KGD4: variants seen among roughly 807,000 people sequenced by gnomAD.
The protein encoded by KGD4 is alpha-ketoglutarate dehydrogenase subunit 4, also known as alpha-ketoglutarate dehydrogenase component 4.
At chr5:69,222,635 C>T in the KGD4 span, among the ~76,000 whole-genome samples, 1 of 152,064 alleles carries the variant, frequency 6.6e-6, no homozygotes, top group South Asian at 2.1e-4. Context: ...TCTCAAACTC[C>T]TGGGCTCAAG....
the KGD4 span, among the ~76,000 whole-genome samples, chr5:69,218,946 A>G: frequency 2.0e-5 from 3 of 152,246 alleles, no homozygotes; most frequent in Non-Finnish European, 2.9e-5. Flanking sequence ...TCTGTTATCC[A>G]TAATATATAA....
chr5:69,228,491 A>T, the KGD4 span: 1 of 1,180,914 alleles, frequency 8.5e-7, no homozygotes, highest in Non-Finnish European at 1.2e-6. Context: ...GTCTTGTCAG[A>T]GTGTGGTCAG....
chr5:69,217,772 G>T, the KGD4 span: 698,387 of 1,610,834 alleles, frequency 0.43, 155,553 homozygotes, highest in Non-Finnish European at 0.47. Context: ...AGCTGCCCGG[G>T]ACTCCAGTGA....
At chr5:69,218,074 G>C in the KGD4 span, 1 of 754,704 alleles carries the variant, frequency 1.3e-6, no homozygotes. Flanking sequence ...CGGCGCCGAG[G>C]GTTCGAGCCT....
chr5:69,220,551 C>G, the KGD4 span, among the ~76,000 whole-genome samples: 1 of 150,678 alleles, frequency 6.6e-6, no homozygotes, highest in African/African-American at 2.4e-5. Context: ...CCCGGCCGCC[C>G]CGTCTGGGAT....
chr5:69,225,753 G>A, the KGD4 span, among the ~76,000 whole-genome samples: 1 of 151,882 alleles, frequency 6.6e-6, no homozygotes, highest in African/African-American at 2.4e-5. Flanking sequence ...ACTAATTTTT[G>A]TATTTTTAGT....
the KGD4 span, among the ~76,000 whole-genome samples, chr5:69,218,498 G>GTA: frequency 6.6e-6 from 1 of 151,818 alleles, no homozygotes; most frequent in Non-Finnish European, 1.5e-5. Context: ...GTGTGTGTGT[G>GTA]TATAAGCGTT....
At chr5:69,218,292 C>T in the KGD4 span, among the ~76,000 whole-genome samples, 2 of 152,170 alleles carry the variant, frequency 1.3e-5, no homozygotes, top group South Asian at 2.1e-4. Flanking sequence ...AGGAAGCGAA[C>T]CCTGGATCTG....
the KGD4 span, among the ~76,000 whole-genome samples, chr5:69,224,656 G>C: frequency 2.0e-5 from 3 of 152,036 alleles, no homozygotes; most frequent in Non-Finnish European, 2.9e-5. Flanking sequence ...ACTTTGGGAG[G>C]CTAAGGCAAG....
the KGD4 span, chr5:69,228,157 T>A: frequency 6.8e-7 from 1 of 1,467,630 alleles, no homozygotes; most frequent in African/African-American, 1.4e-5. Flanking sequence ...TTTTGACATC[T>A]GAACAATTTC....
the KGD4 span, among the ~76,000 whole-genome samples, chr5:69,220,276 A>G: frequency 6.6e-6 from 1 of 151,860 alleles, no homozygotes; most frequent in Non-Finnish European, 1.5e-5. Context: ...TTGTTGATCC[A>G]TATCTTGAAG....
the KGD4 span, among the ~76,000 whole-genome samples, chr5:69,227,973 A>C: frequency 1.0e-3 from 155 of 152,330 alleles, no homozygotes; most frequent in Non-Finnish European, 1.2e-3. Flanking sequence ...AATGTATAAA[A>C]ATTTTAAAGC....
At chr5:69,223,182 G>A in the KGD4 span, among the ~76,000 whole-genome samples, 1 of 138,912 alleles carries the variant, frequency 7.2e-6, no homozygotes. Context: ...AGGTTCAAGC[G>A]ATTCTCCTGC....
chr5:69,226,982 G>A, the KGD4 span, among the ~76,000 whole-genome samples: 19 of 152,096 alleles, frequency 1.2e-4, no homozygotes, highest in South Asian at 6.2e-4. Flanking sequence ...AGCAATTCTC[G>A]TGCTTCAGCA....
the KGD4 span, among the ~76,000 whole-genome samples, chr5:69,223,827 G>T: frequency 6.6e-6 from 1 of 151,760 alleles, no homozygotes; most frequent in African/African-American, 2.4e-5. Flanking sequence ...TTGGGAGGCC[G>T]TTCGAAACCA....
the KGD4 span, among the ~76,000 whole-genome samples, chr5:69,219,684 G>A: frequency 2.0e-5 from 3 of 151,464 alleles, no homozygotes; most frequent in African/African-American, 4.9e-5. Context: ...TCGTGATTGC[G>A]CTCTTAAAAA....
At chr5:69,227,092 G>A in the KGD4 span, among the ~76,000 whole-genome samples, 21 of 151,946 alleles carry the variant, frequency 1.4e-4, no homozygotes, top group African/African-American at 5.1e-4. Context: ...GGCTGGTCTC[G>A]ACTCCTGATC....
At chr5:69,220,100 G>A in the KGD4 span, among the ~76,000 whole-genome samples, 6 of 151,790 alleles carry the variant, frequency 4.0e-5, no homozygotes, top group Non-Finnish European at 7.4e-5. Context: ...GCATGGTGAT[G>A]TGCACCTGTG....
chr5:69,220,846 A>T, the KGD4 span, among the ~76,000 whole-genome samples: 2 of 152,204 alleles, frequency 1.3e-5, no homozygotes, highest in African/African-American at 4.8e-5. Flanking sequence ...ACTAAGAAAA[A>T]TTCTTCTGCC....
Sources: allele counts gnomAD v4.1 joint callset (sites outside exome capture counted in the v4.1 genomes callset), GRCh38; gene constraint gnomAD v4.1.1; transcripts MANE v1.5; gene names NCBI Gene and HGNC (gene_info 2026-07-23, HGNC 2026-07-21).